Variants in PCBD2 observed in about 807,000 individuals in gnomAD.
PCBD2 encodes the protein pterin-4 alpha-carbinolamine dehydratase 2, also known as pterin-4-alpha-carbinolamine dehydratase 2.
Under a neutral mutation model 16.4 loss-of-function variants are expected in PCBD2, and 12 were observed. That is an observed-to-expected ratio of 0.73 (90% CI 0.47 to 1.19). The LOEUF is 1.19. Ranked by LOEUF, PCBD2 falls within the 50% of genes most tolerant of loss-of-function variation. The probability of loss-of-function intolerance (pLI) is 0.00; values close to 1 mark genes in which losing one functional copy is unlikely to be tolerated. For synonymous variants in PCBD2, 58 were observed against 61.8 expected, an observed-to-expected ratio of 0.94 and a Z score of 0.29; for missense variants, 138 against 156.8, an observed-to-expected ratio of 0.88 and a Z score of 0.64.
chr5:134,959,014 A>T, intron 2 of PCBD2, 26 bp from the exon 3 acceptor site: 1 of 1,591,556 alleles, frequency 6.3e-7, no homozygotes, highest in Non-Finnish European at 8.6e-7. Flanking sequence ...AATGTCAGTA[A>T]TTACTCTTGA....
chr5:134,926,320 C>T (rs1750995463), intron 2 of PCBD2: 1 of 361,846 alleles, frequency 2.8e-6, no homozygotes, highest in African/African-American at 2.1e-5. Context: ...GGGGAAGAGA[C>T]TAATAACAAG....
At chr5:134,910,203 C>A (rs548749632) in intron 1 of PCBD2, 132 bp from the exon 2 acceptor site, 2 of 995,320 alleles carry the variant, frequency 2.0e-6, no homozygotes, top group East Asian at 2.6e-5. Flanking sequence ...TTTAAGAGAA[C>A]AAAGGAATGA....
chr5:134,956,443 A>G (rs1751415944), intron 2 of PCBD2, among the ~76,000 whole-genome samples: 1 of 152,174 alleles, frequency 6.6e-6, no homozygotes, highest in South Asian at 2.1e-4. Flanking sequence ...TTTGAGGACC[A>G]CTTCTGTGTT....
chr5:134,934,729 G>GT (rs1375133031), intron 2 of PCBD2, among the ~76,000 whole-genome samples: 1 of 152,074 alleles, frequency 6.6e-6, no homozygotes, highest in East Asian at 1.9e-4. Context: ...CAGTGGTCTT[G>GT]TTTTTTTCCC....
intron 3 of PCBD2, among the ~76,000 whole-genome samples, 198 bp from the exon 4 acceptor site, chr5:134,960,388 C>CT (rs1412108592): frequency 2.0e-5 from 3 of 152,230 alleles, no homozygotes. Context: ...TGAGCCAGGC[C>CT]TAATGTAGAC....
rs1484393042 is a variant in PCBD2 at position 134,921,018 on chromosome 5, C to T, written c.216+10552C>T. Among the ~76,000 whole-genome samples, 5 of 152,246 alleles carry T rather than the reference C, an allele frequency of 3.3e-5. No individual in the cohort carries two copies. The East Asian group carries it at 7.7e-4, about 23-fold the overall frequency. On this transcript the variant is annotated intron_variant, in intron 2 of 3. Transcript: ENST00000254908. Reference sequence around the variant, plus strand: ...ACTTCAAGTGCCCTGTCCTCGCCATCGCAGCCCTGTCGGTGGACATGCACC... The same window carrying T: ...ACTTCAAGTGCCCTGTCCTCGCCATTGCAGCCCTGTCGGTGGACATGCACC...
At chr5:134,950,036 A>G (rs1210337275) in intron 2 of PCBD2, among the ~76,000 whole-genome samples, 1 of 152,256 alleles carries the variant, frequency 6.6e-6, no homozygotes, top group African/African-American at 2.4e-5. Context: ...CAAGACGTGA[A>G]GAAATGCCCA....
chr5:134,924,597 A>G (rs879957249), intron 2 of PCBD2: 1 of 398,750 alleles, frequency 2.5e-6, no homozygotes, highest in Non-Finnish European at 4.4e-6. Context: ...TACTGGTTGA[A>G]CATTGTTTGT....
chr5:134,942,960 C>CT, intron 2 of PCBD2, among the ~76,000 whole-genome samples: 1 of 152,248 alleles, frequency 6.6e-6, no homozygotes, highest in Non-Finnish European at 1.5e-5. Context: ...AATAAAGTAA[C>CT]TATCATTTAT....
intron 2 of PCBD2, among the ~76,000 whole-genome samples, chr5:134,919,761 C>CT (rs1178599036): frequency 6.6e-6 from 1 of 152,162 alleles, no homozygotes; most frequent in Non-Finnish European, 1.5e-5. Context: ...TAAATAATAA[C>CT]TTAAAAGTAT....
At chr5:134,910,993 G>T (rs943288140) in intron 2 of PCBD2, among the ~76,000 whole-genome samples, 6 of 152,112 alleles carry the variant, frequency 3.9e-5, no homozygotes, top group African/African-American at 1.4e-4. Flanking sequence ...TGGCTATGTT[G>T]CCCAGACTGG....
At chr5:134,944,010 A>G (rs1751263158) in intron 2 of PCBD2, among the ~76,000 whole-genome samples, 1 of 152,232 alleles carries the variant, frequency 6.6e-6, no homozygotes, top group Admixed American at 6.5e-5. Context: ...CAGCAACAGC[A>G]GAAAGCAACA....
intron 2 of PCBD2, among the ~76,000 whole-genome samples, chr5:134,952,201 G>A (rs1264355125): frequency 1.4e-5 from 2 of 147,894 alleles, no homozygotes; most frequent in Non-Finnish European, 1.5e-5. Context: ...GGGAATTCTA[G>A]CATTTCCCTA....
chr5:134,915,675 TCCTGGGCTC>T (rs1363808323), intron 2 of PCBD2, among the ~76,000 whole-genome samples: 1 of 151,988 alleles, frequency 6.6e-6, no homozygotes, highest in Non-Finnish European at 1.5e-5. Flanking sequence ...GGTCTTGAAC[TCCTGGGCTC>T]AAGTGATCCT....
intron 2 of PCBD2, among the ~76,000 whole-genome samples, chr5:134,945,126 C>G (rs1751276434): frequency 2.0e-5 from 3 of 152,180 alleles, no homozygotes; most frequent in Admixed American, 2.0e-4. Flanking sequence ...AAATAATAAA[C>G]TTGTAAAAAC....
rs1580884904 is a variant in PCBD2 at position 134,927,612 on chromosome 5, C to T, written c.216+17146C>T. The stretch of plus-strand genomic sequence containing the variant: ...TAGGAAGTATGTACCTGCGTTCAGG[C>T]GTTCTGGTTGGTTGCCTCATCGGGT... On this transcript the variant is annotated intron_variant, in intron 2 of 3. Coordinates refer to ENST00000254908, the MANE Select transcript of PCBD2 (RefSeq NM_032151.5). The T allele has an allele frequency of 2.5e-5, 10 of 397,972 alleles. No homozygotes were observed. The East Asian group carries it at 3.2e-4, about 13-fold the overall frequency. 24.7% of individuals were successfully genotyped at this position (397,972 alleles called of 1,614,324 possible).
chr5:134,910,299 G>T (rs745369922), intron 1 of PCBD2, 36 bp from the exon 2 acceptor site: 3 of 1,601,316 alleles, frequency 1.9e-6, no homozygotes, highest in Non-Finnish European at 1.7e-6. Context: ...GAGTAAACTT[G>T]TACATTTTCA....
chr5:134,906,206 T>C (rs1263878492), intron 1 of PCBD2, among the ~76,000 whole-genome samples: 1 of 134,540 alleles, frequency 7.4e-6, no homozygotes, highest in Non-Finnish European at 1.6e-5. Flanking sequence ...TTTTTTTTTT[T>C]TTTTTTTTTT....
chr5:134,928,340 T>C, intron 2 of PCBD2: 2 of 380,960 alleles, frequency 5.2e-6, no homozygotes, highest in East Asian at 3.6e-5. Context: ...GTAAATATGA[T>C]TATCATAATT....
Sources: gnomAD v4.1 joint callset for allele counts (sites outside exome capture counted in the v4.1 genomes callset) on GRCh38, gnomAD v4.1.1 for gene constraint, MANE v1.5 for transcripts, NCBI Gene and HGNC (gene_info 2026-07-23, HGNC 2026-07-21) for gene names.